The following ACTR3 variants were observed in gnomAD, a reference collection of about 807,000 sequenced individuals.
ACTR3 encodes the protein actin-related protein 3.
Under a neutral mutation model 56.8 loss-of-function variants are expected in ACTR3, and 12 were observed. The observed-to-expected ratio is 0.21, with a 90% confidence interval of 0.14 to 0.34. The LOEUF (loss-of-function observed/expected upper bound fraction) is 0.34. Among genes scored for constraint, ACTR3 ranks in the 10% least tolerant of loss-of-function variants. The pLI is 1.00. For synonymous variants in ACTR3, 162 were observed against 167.4 expected, an observed-to-expected ratio of 0.97 and a Z score of 0.25; for missense variants, 282 against 512.5, an observed-to-expected ratio of 0.55 and a Z score of 4.34.
chr2:113,925,423 T>A (rs964337335), intron 3 of ACTR3, among the ~76,000 whole-genome samples: 4 of 152,162 alleles, frequency 2.6e-5, no homozygotes, highest in Non-Finnish European at 4.4e-5. Context: ...CTCAAACTCC[T>A]GACCTCAGGT....
chr2:113,934,317 A>C lies in ACTR3; in HGVS notation c.471A>C (p.Gln157His). The C allele has an allele frequency of 1.2e-6, 2 of 1,609,684 alleles. No homozygotes were observed. Among genetic ancestry groups the C allele is most frequent in the Non-Finnish European group, 1.7e-6 (2 of 1,178,672 alleles). ...TAGCTGCATCTTGGACCTCAAGACA[A>C]GTAGGAGAACGGACGTTGACCGGTA... ...LALAASWTSRQVGERTLTGTV... is the reference protein window; with the variant it reads ...LALAASWTSRHVGERTLTGTV... The change falls in exon 6 of 12, where the codon CAA becomes CAC. Residue 157 changes from glutamine to histidine, a missense_variant. Transcript: ENST00000263238.
At chr2:113,926,027 A>G (rs1005061266) in intron 3 of ACTR3, among the ~76,000 whole-genome samples, 3 of 152,206 alleles carry the variant, frequency 2.0e-5, no homozygotes, top group Non-Finnish European at 4.4e-5. Flanking sequence ...GGTCCAGGCA[A>G]CTTAGTAGCC....
intron 7 of ACTR3, 134 bp from the exon 8 acceptor site, chr2:113,942,052 A>G: frequency 1.5e-6 from 1 of 679,474 alleles, no homozygotes; most frequent in East Asian, 3.4e-5. Context: ...TTTTTCTTCC[A>G]GCTTAATTTC....
At chr2:113,933,111 A>G (rs1176046301) in intron 5 of ACTR3, among the ~76,000 whole-genome samples, 1 of 152,244 alleles carries the variant, frequency 6.6e-6, no homozygotes, top group Non-Finnish European at 1.5e-5. Flanking sequence ...TTTTCATAGA[A>G]AAATTTTATC....
At position 113,939,910 on chromosome 2, in the gene ACTR3, A is replaced by G. The variant is rs993974980; in HGVS notation, c.541-49A>G. ...TGGTTCATATTTTTGGGTTATATTA[A>G]TTTTCAAAACATTGAAAGTAAATTT... On this transcript the variant is annotated intron_variant, in intron 6 of 11. Coordinates refer to ENST00000263238, the MANE Select transcript of ACTR3 (RefSeq NM_005721.5). 1.0e-5 allele frequency: 16 copies of G among 1,530,314 alleles called. No individual in the cohort carries two copies. In the African/African-American group the frequency reaches 1.8e-4, roughly 17 times the overall value. 94.8% of individuals were successfully genotyped at this position (1,530,314 alleles called of 1,614,324 possible).
In ACTR3 at chr2:113,961,829, A is replaced by C. The variant is rs1231054661; in HGVS notation, c.*4374A>C. The C allele has an allele frequency of 6.6e-6, 1 of 151,984 alleles. No individual in the cohort carries two copies. The highest frequency in any genetic ancestry group is 1.5e-5 in the Non-Finnish European group (1 of 67,884). The allele number at this position is 151,984 out of a possible 1,614,324, so 9.4% of individuals were successfully genotyped here. A position where few individuals can be genotyped will look rare whatever the true frequency, so the allele number is the denominator to read the frequency against. On this transcript the variant is annotated 3_prime_UTR_variant, in exon 12 of 12. Transcript: ENST00000263238. Reference sequence around the variant, plus strand: ...GTAGTGTTAGTTGTTTAGAGGGAGAAGTCCAGCTATGTAAGGTGAAAGTGG... The same window carrying C: ...GTAGTGTTAGTTGTTTAGAGGGAGACGTCCAGCTATGTAAGGTGAAAGTGG...
chr2:113,931,445 T>C, intron 5 of ACTR3, 49 bp downstream of exon 5: 1 of 1,297,080 alleles, frequency 7.7e-7, no homozygotes, highest in South Asian at 1.5e-5. Context: ...TTTAACCTAG[T>C]TTAATTTGCT....
At chr2:113,890,393 G>GC (rs1167813120) in intron 1 of ACTR3, 70 bp downstream of exon 1, 4 of 1,413,142 alleles carry the variant, frequency 2.8e-6, no homozygotes, top group Non-Finnish European at 3.8e-6. Flanking sequence ...GAGGGAGGAG[G>GC]CCGGGAAATG....
chr2:113,896,816 C>G (rs1181132261), intron 1 of ACTR3, among the ~76,000 whole-genome samples: 1 of 152,198 alleles, frequency 6.6e-6, no homozygotes, highest in African/African-American at 2.4e-5. Flanking sequence ...CTTATCTCCA[C>G]CTATGTCATT....
intron 5 of ACTR3, 59 bp from the exon 6 acceptor site, chr2:113,934,220 C>CTT: frequency 9.1e-7 from 1 of 1,094,790 alleles, no homozygotes; most frequent in African/African-American, 1.7e-5. Flanking sequence ...TCGATTAACT[C>CTT]TTTGTTTTTT....
chr2:113,916,319 T>A (rs1357586009), intron 2 of ACTR3, among the ~76,000 whole-genome samples: 1 of 152,150 alleles, frequency 6.6e-6, no homozygotes, highest in Admixed American at 6.5e-5. Flanking sequence ...TATTTAAGGA[T>A]ATTGTTGTGG....
intron 1 of ACTR3, chr2:113,890,886 C>A: frequency 1.5e-6 from 1 of 653,536 alleles, no homozygotes; most frequent in Non-Finnish European, 1.9e-6. Context: ...TTCATTTGAC[C>A]ACCCACCTTC....
intron 6 of ACTR3, 43 bp from the exon 7 acceptor site, chr2:113,939,915 CA>C: frequency 4.6e-6 from 7 of 1,530,114 alleles, no homozygotes; most frequent in Non-Finnish European, 6.2e-6. Context: ...TATTAATTTT[CA>C]AAACATTGAA....
chr2:113,904,246 T>G (rs1276515115), intron 1 of ACTR3: 1 of 152,356 alleles, frequency 6.6e-6, no homozygotes, highest in Non-Finnish European at 1.5e-5. Context: ...AATTTCAGAA[T>G]GAATAATTTC....
At position 113,958,547 on chromosome 2, in the gene ACTR3, G is replaced by T. The variant is rs1680265053; in HGVS notation, c.*1092G>T. On this transcript the variant is annotated 3_prime_UTR_variant, in exon 12 of 12. Transcript: ENST00000263238. ...TTTTCTTTGCATTTTAAAATATCTG[G>T]ATTATGAAGAAAAAGTGATGAAAAT... 6.6e-6 allele frequency: 1 copy of T among 151,374 alleles called. No homozygotes were observed. 9.4% of individuals were successfully genotyped at this position (151,374 alleles called of 1,614,324 possible).
intron 7 of ACTR3, among the ~76,000 whole-genome samples, chr2:113,940,634 A>G (rs1679906871): frequency 6.6e-6 from 1 of 152,054 alleles, no homozygotes; most frequent in South Asian, 2.1e-4. Flanking sequence ...GCAAACTATC[A>G]AAATACTTTA....
chr2:113,956,757 C>A (rs1472283950), intron 11 of ACTR3, among the ~76,000 whole-genome samples: 1 of 152,178 alleles, frequency 6.6e-6, no homozygotes, highest in Admixed American at 6.5e-5. Flanking sequence ...AACTGTACAA[C>A]TTTGGATTTA....
intron 4 of ACTR3, 59 bp from the exon 5 acceptor site, chr2:113,931,242 C>A: frequency 9.4e-7 from 1 of 1,069,358 alleles, no homozygotes. Context: ...TAAAAATTGT[C>A]AAGAAAGTTA....
chr2:113,943,869 CAA>C (rs1467660936), intron 8 of ACTR3, among the ~76,000 whole-genome samples: 1 of 152,030 alleles, frequency 6.6e-6, no homozygotes, highest in Non-Finnish European at 1.5e-5. Flanking sequence ...TTGTGGGGCA[CAA>C]AGGAAGAGGT....
Sources: allele counts gnomAD v4.1 joint callset (sites outside exome capture counted in the v4.1 genomes callset), GRCh38; gene constraint gnomAD v4.1.1; transcripts MANE v1.5; gene names NCBI Gene and HGNC (gene_info 2026-07-23, HGNC 2026-07-21).